Variants in FBXL20 observed in about 807,000 individuals in gnomAD.
FBXL20 encodes F-box and leucine rich repeat protein 20, also known as F-box/LRR-repeat protein 20.
Under a neutral mutation model 64.0 loss-of-function variants are expected in FBXL20, and 11 were observed. The ratio of observed to expected loss-of-function variants is 0.17; its 90% CI spans 0.11 to 0.28. The LOEUF (loss-of-function observed/expected upper bound fraction) is 0.28, where lower values mean the gene tolerates loss of function less well. Among genes scored for constraint, FBXL20 ranks in the 10% least tolerant of loss-of-function variants. The pLI, the probability that FBXL20 is intolerant of heterozygous loss-of-function variation, is 1.00. For missense variants in FBXL20, 303 were observed against 526.2 expected, an observed-to-expected ratio of 0.58 and a Z score of 4.15; for synonymous variants, 184 against 189.0, an observed-to-expected ratio of 0.97 and a Z score of 0.22.
rs1490263574 is a variant in FBXL20 at position 39,396,086 on chromosome 17, AG to A, written c.42+5274del. On this transcript the variant is annotated intron_variant, in intron 1 of 14. Coordinates refer to ENST00000264658, the MANE Select transcript of FBXL20 (RefSeq NM_032875.3). ...AAGACTTTTCGAAAAAAAAAAAAAA[AG>A]GTCTTTATTTCAGCCTTAACGGTGT... Among the ~76,000 whole-genome samples the A allele has an allele frequency of 7.7e-4, 115 of 149,482 alleles. 2 individuals carry two copies. The highest frequency in any genetic ancestry group is 3.3e-4 in the Admixed American group (5 of 15,008).
At chr17:39,276,717 T>C (rs532360352) in intron 9 of FBXL20, among the ~76,000 whole-genome samples, 17 of 152,236 alleles carry the variant, frequency 1.1e-4, no homozygotes, top group African/African-American at 3.9e-4. Context: ...GGTACAAATA[T>C]TTCATAAATA....
chr17:39,370,414 C>T (rs746619814), intron 1 of FBXL20, among the ~76,000 whole-genome samples: 13 of 151,408 alleles, frequency 8.6e-5, no homozygotes, highest in Non-Finnish European at 1.8e-4. Context: ...CGCTTGAACC[C>T]GGGAGGCGGA....
chr17:39,322,121 T>G (rs2047362001), intron 2 of FBXL20, among the ~76,000 whole-genome samples: 1 of 137,766 alleles, frequency 7.3e-6, no homozygotes. Context: ...AGGGTAGAAG[T>G]TCGTGATCAG....
chr17:39,340,544 A>G (rs972157990), intron 2 of FBXL20, among the ~76,000 whole-genome samples: 3 of 152,316 alleles, frequency 2.0e-5, no homozygotes, highest in African/African-American at 7.2e-5. Context: ...GTCCTGTTTC[A>G]ATGTTAATTT....
chr17:39,297,040 T>G (rs2047092390), intron 6 of FBXL20, 87 bp downstream of exon 6: 1 of 783,160 alleles, frequency 1.3e-6, no homozygotes, highest in Non-Finnish European at 2.0e-6. Flanking sequence ...TAAAATTTGC[T>G]CAATAGAGTT....
rs1409358922 is a variant in FBXL20 at position 39,276,887 on chromosome 17, G to T, written c.697-1787C>A. 1.3e-5 allele frequency among the ~76,000 whole-genome samples: 2 copies of T among 152,118 alleles called. 1 individual carries two copies. The highest frequency in any genetic ancestry group is 4.1e-4 in the South Asian group (2 of 4,826). On this transcript the variant is annotated intron_variant, in intron 9 of 14. Coordinates refer to ENST00000264658, the MANE Select transcript of FBXL20 (RefSeq NM_032875.3). ...TGATCGCTTTAGCCCAGGAGTTCAA[G>T]GTTAGTCTGGGCAACATAATGAGAC...
At chr17:39,347,644 T>C (rs936046140) in intron 1 of FBXL20, among the ~76,000 whole-genome samples, 1 of 152,232 alleles carries the variant, frequency 6.6e-6, no homozygotes, top group Non-Finnish European at 1.5e-5. Context: ...GTAGGTTGCC[T>C]GTTTACTCTG....
intron 14 of FBXL20, among the ~76,000 whole-genome samples, chr17:39,261,779 T>C (rs952610971): frequency 1.3e-5 from 2 of 151,928 alleles, no homozygotes; most frequent in African/African-American, 4.8e-5. Flanking sequence ...TTGGTACCTG[T>C]TTGTGTAATA....
At chr17:39,265,342 C>T (rs1226566476) in intron 13 of FBXL20, 55 bp downstream of exon 13, 6 of 1,366,638 alleles carry the variant, frequency 4.4e-6, no homozygotes, top group African/African-American at 4.3e-5. Context: ...TGAACTGTAG[C>T]ACTGGCTTTT....
At chr17:39,358,565 C>A (rs1376140342) in intron 1 of FBXL20, among the ~76,000 whole-genome samples, 1 of 152,044 alleles carries the variant, frequency 6.6e-6, no homozygotes, top group East Asian at 1.9e-4. Context: ...CGCCTGTAAT[C>A]CCACCTACTC....
chr17:39,378,086 G>A (rs2047985959), intron 1 of FBXL20, among the ~76,000 whole-genome samples: 1 of 152,150 alleles, frequency 6.6e-6, no homozygotes, highest in African/African-American at 2.4e-5. Context: ...AGACTGTACA[G>A]AATTAGGTTG....
intron 4 of FBXL20, 142 bp from the exon 5 acceptor site, chr17:39,299,226 T>A: frequency 1.6e-6 from 1 of 618,518 alleles, no homozygotes; most frequent in Non-Finnish European, 2.8e-6. Context: ...TAACTTACCC[T>A]GAGAAAGCTT....
chr17:39,317,053 T>A (rs866232340), intron 2 of FBXL20, among the ~76,000 whole-genome samples: 1 of 152,218 alleles, frequency 6.6e-6, no homozygotes, highest in Middle Eastern at 3.2e-3. Flanking sequence ...TAGCATAATT[T>A]AATATCTTAG....
At chr17:39,355,360 G>T in intron 1 of FBXL20, among the ~76,000 whole-genome samples, 1 of 151,934 alleles carries the variant, frequency 6.6e-6, no homozygotes. Context: ...TTGCAGGCAT[G>T]AGCCACGACA....
At chr17:39,328,791 G>A (rs779538911) in intron 2 of FBXL20, among the ~76,000 whole-genome samples, 25 of 152,348 alleles carry the variant, frequency 1.6e-4, no homozygotes, top group Non-Finnish European at 2.8e-4. Context: ...AGTTGCTCAT[G>A]ACTCTAATTC....
At position 39,398,048 on chromosome 17, in the gene FBXL20, G is replaced by C. The variant is rs972001507; in HGVS notation, c.42+3313C>G. Among the ~76,000 whole-genome samples, 7 of 56,180 alleles carry C rather than the reference G, an allele frequency of 1.2e-4. 1 individual carries two copies. Among genetic ancestry groups the C allele is most frequent in the East Asian group, 1.6e-3 (2 of 1,278 alleles). 36.9% of individuals were successfully genotyped at this position (56,180 alleles called of 152,430 possible). ...TTTGGGAGGCCGGCGGGCGGGGGGGGGGGGGGGGTTGGATCACGAGGTCAG... is the reference window on the plus strand; with the variant it reads ...TTTGGGAGGCCGGCGGGCGGGGGGGCGGGGGGGGTTGGATCACGAGGTCAG... On this transcript the variant is annotated intron_variant, in intron 1 of 14. Transcript: ENST00000264658.
chr17:39,346,563 GA>G (rs2047634484), intron 1 of FBXL20, among the ~76,000 whole-genome samples: 1 of 152,028 alleles, frequency 6.6e-6, no homozygotes, highest in South Asian at 2.1e-4. Flanking sequence ...GATTAACAGG[GA>G]CAGTGAAATG....
Position 39,363,929 on chromosome 17 carries a change from G to A in FBXL20, c.43-20688C>T, listed in dbSNP as rs186849244. Among the ~76,000 whole-genome samples the A allele has an allele frequency of 5.6e-3, 619 of 110,832 alleles. 7 individuals carry two copies. The highest frequency in any genetic ancestry group is 0.018 in the African/African-American group (505 of 28,630). The allele number at this position is 110,832 out of a possible 152,430, so 72.7% of individuals were successfully genotyped here. On this transcript the variant is annotated intron_variant, in intron 1 of 14. Transcript: ENST00000264658. ...TTTGAAGACAAAGTCCCACTCGGTC[G>A]CCCAGGCTGGAATGCAGTGACGCGA...
chr17:39,279,205 C>T (rs750016136), intron 9 of FBXL20, among the ~76,000 whole-genome samples: 7 of 152,044 alleles, frequency 4.6e-5, no homozygotes, highest in Admixed American at 1.3e-4. Flanking sequence ...CTATAGTAAT[C>T]GGAATTGTAA....
Sources: gnomAD v4.1 joint callset for allele counts (sites outside exome capture counted in the v4.1 genomes callset) on GRCh38, gnomAD v4.1.1 for gene constraint, MANE v1.5 for transcripts, NCBI Gene and HGNC (gene_info 2026-07-23, HGNC 2026-07-21) for gene names.